CORO1C: variants seen among roughly 807,000 people sequenced by gnomAD.
CORO1C encodes the protein coronin 1C.
Under a neutral mutation model 51.2 loss-of-function variants are expected in CORO1C, and 14 were observed. The observed-to-expected ratio is 0.27, with a 90% confidence interval of 0.18 to 0.43. The LOEUF (loss-of-function observed/expected upper bound fraction) is 0.43. Ranked by LOEUF, CORO1C falls within the 20% of genes least tolerant of loss-of-function variation. The probability of loss-of-function intolerance (pLI) is 1.00; values close to 1 mark genes in which losing one functional copy is unlikely to be tolerated. For missense variants in CORO1C, 417 were observed against 607.8 expected (o/e 0.69, Z 3.30); for synonymous variants, 181 against 210.5 (o/e 0.86, Z 1.21).
chr12:108,678,335 G>A lies in CORO1C; in HGVS notation c.255C>T (p.Asp85=). The change falls in exon 3 of 11, where the codon GAC becomes GAT. Residue 85 remains aspartate (D), a synonymous_variant. Transcript: ENST00000261401. Reference sequence around the variant, plus strand: ...GATCGTTATGTGGGCACCAGTCTATGTCCAGCACTGGTCCTGTGTGGCCAC... The same window carrying A: ...GATCGTTATGTGGGCACCAGTCTATATCCAGCACTGGTCCTGTGTGGCCAC... ...TVCGHTGPVL[D]IDWCPHNDQV... The A allele has an allele frequency of 6.2e-7, 1 of 1,611,638 alleles. No individual in the cohort carries two copies. The highest frequency in any genetic ancestry group is 8.5e-7 in the Non-Finnish European group (1 of 1,178,696).
At chr12:108,718,333 A>G (rs1196872716) in intron 1 of CORO1C, among the ~76,000 whole-genome samples, 2 of 150,908 alleles carry the variant, frequency 1.3e-5, no homozygotes, top group African/African-American at 4.9e-5. Flanking sequence ...GCACTACTGC[A>G]CTCCAGCCTG....
At chr12:108,726,667 A>AG (rs1034775936) in intron 1 of CORO1C, among the ~76,000 whole-genome samples, 11 of 151,512 alleles carry the variant, frequency 7.3e-5, no homozygotes, top group Admixed American at 2.0e-4. Context: ...AAAAAAAAAA[A>AG]AAGAATGAAA....
chr12:108,718,391 A>T (rs962135837), intron 1 of CORO1C, among the ~76,000 whole-genome samples: 3 of 151,640 alleles, frequency 2.0e-5, no homozygotes, highest in African/African-American at 7.3e-5. Flanking sequence ...AAAATACAAA[A>T]ATTAGTGGGG....
At chr12:108,696,133 T>G (rs529432306) in intron 2 of CORO1C, among the ~76,000 whole-genome samples, 1 of 152,310 alleles carries the variant, frequency 6.6e-6, no homozygotes, top group South Asian at 2.1e-4. Context: ...ATACCCATCC[T>G]ATCCTGGCCA....
chr12:108,691,101 G>A (rs1051715392), intron 2 of CORO1C, among the ~76,000 whole-genome samples: 1 of 151,836 alleles, frequency 6.6e-6, no homozygotes, highest in Non-Finnish European at 1.5e-5. Context: ...TTTTTGGGGG[G>A]TGGGAGGGGC....
chr12:108,650,242 G>A (rs1015112244), intron 8 of CORO1C, among the ~76,000 whole-genome samples: 1 of 133,014 alleles, frequency 7.5e-6, no homozygotes, highest in Non-Finnish European at 1.5e-5. Flanking sequence ...AGGCTGGAGT[G>A]CAGTGGCACA....
intron 7 of CORO1C, among the ~76,000 whole-genome samples, chr12:108,653,405 AT>A (rs1437112057): frequency 1.3e-5 from 2 of 152,238 alleles, no homozygotes; most frequent in Admixed American, 1.3e-4. Context: ...ACAATGACCT[AT>A]AAAAATGTAA....
At chr12:108,705,245 G>A (rs1469617296) in intron 1 of CORO1C, among the ~76,000 whole-genome samples, 2 of 152,044 alleles carry the variant, frequency 1.3e-5, no homozygotes, top group African/African-American at 2.4e-5. Context: ...TTGGGAGGCC[G>A]AGGAAGGCAG....
At chr12:108,678,590 A>G (rs1007933221) in intron 2 of CORO1C, among the ~76,000 whole-genome samples, 196 bp from the exon 3 acceptor site, 11 of 152,188 alleles carry the variant, frequency 7.2e-5, no homozygotes, top group African/African-American at 2.7e-4. Flanking sequence ...ACAAGAATCC[A>G]AATCCCTAGA....
chr12:108,655,908 C>A (rs1398230924), intron 6 of CORO1C, among the ~76,000 whole-genome samples: 22 of 151,486 alleles, frequency 1.5e-4, no homozygotes, highest in African/African-American at 4.8e-4. Flanking sequence ...CGCCTCTTCC[C>A]GGCCGCCATC....
At chr12:108,710,347 T>G (rs1484554127) in intron 1 of CORO1C, among the ~76,000 whole-genome samples, 1 of 152,144 alleles carries the variant, frequency 6.6e-6, no homozygotes, top group African/African-American at 2.4e-5. Flanking sequence ...GAGTAATCAT[T>G]CTTTTATTCC....
Position 108,681,683 on chromosome 12 carries a change from T to C in CORO1C, c.196-3289A>G, listed in dbSNP as rs189527886. ...AAAAAGAGACAGAATTTACCATGGG[T>C]AAACCCTTGTTCAAAAAATTAAATT... On this transcript the variant is annotated intron_variant, in intron 2 of 10. Coordinates refer to ENST00000261401, the MANE Select transcript of CORO1C (RefSeq NM_014325.4). 4.4e-3 allele frequency among the ~76,000 whole-genome samples: 665 copies of C among 152,302 alleles called. 6 individuals carry two copies. Among genetic ancestry groups the C allele is most frequent in the Non-Finnish European group, 7.3e-3 (494 of 68,012 alleles).
At chr12:108,653,778 C>G (rs542535359) in intron 7 of CORO1C, among the ~76,000 whole-genome samples, 2 of 152,158 alleles carry the variant, frequency 1.3e-5, no homozygotes, top group East Asian at 1.9e-4. Flanking sequence ...ACCCCAGGAA[C>G]AAGAACCCTC....
chr12:108,702,788 T>G, intron 1 of CORO1C: 1 of 1,511,580 alleles, frequency 6.6e-7, no homozygotes, highest in South Asian at 1.2e-5. Context: ...TTTGCCAGAG[T>G]CTCTTACCCT....
chr12:108,694,279 CAAAAA>C (rs60647143), intron 2 of CORO1C, among the ~76,000 whole-genome samples: 1 of 66,228 alleles, frequency 1.5e-5, no homozygotes. Context: ...AAGACTGTCT[CAAAAA>C]AAAAAAAAAA....
At chr12:108,683,410 C>T (rs2034190562) in intron 2 of CORO1C, among the ~76,000 whole-genome samples, 3 of 138,820 alleles carry the variant, frequency 2.2e-5, no homozygotes, top group South Asian at 4.6e-4. Context: ...CAGTGCAAGA[C>T]TCTGTCTCAA....
intron 2 of CORO1C, among the ~76,000 whole-genome samples, chr12:108,687,345 G>A (rs2034329337): frequency 6.6e-6 from 1 of 152,142 alleles, no homozygotes; most frequent in African/African-American, 2.4e-5. Flanking sequence ...AAATTAGTCA[G>A]GTGTAGTGGT....
chr12:108,659,410 T>C (rs1320899222), intron 4 of CORO1C, among the ~76,000 whole-genome samples: 2 of 152,232 alleles, frequency 1.3e-5, no homozygotes, highest in African/African-American at 4.8e-5. Flanking sequence ...ATACAATTAG[T>C]ACATGTATAC....
Position 108,652,304 on chromosome 12 carries a change from C to T in CORO1C, c.969G>A (p.Arg323=), listed in dbSNP as rs2032712345. 2 of 1,613,892 alleles carry T rather than the reference C, an allele frequency of 1.2e-6. No individual in the cohort carries two copies. The highest frequency in any genetic ancestry group is 1.7e-5 in the Admixed American group (1 of 59,982). The change falls in exon 8 of 11, where the codon AGG becomes AGA. Residue 323 remains arginine, a synonymous_variant. Transcript: ENST00000261401. ...PQRGMGYMPK[R]GLDVNKCEIA... Reference sequence around the variant, plus strand: ...TCTCACATTTGTTAACATCAAGTCCCCTCTTGGGCATGTAACCCATCCCTC... The same window carrying T: ...TCTCACATTTGTTAACATCAAGTCCTCTCTTGGGCATGTAACCCATCCCTC...
Sources: allele counts gnomAD v4.1 joint callset (sites outside exome capture counted in the v4.1 genomes callset), GRCh38; gene constraint gnomAD v4.1.1; transcripts MANE v1.5; gene names NCBI Gene and HGNC (gene_info 2026-07-23, HGNC 2026-07-21).